The following TPH1 variants were observed in gnomAD, a reference collection of about 807,000 sequenced individuals.
TPH1 encodes the protein tryptophan 5-hydroxylase 1.
TPH1 carries 37 observed loss-of-function variants against 49.5 expected under a neutral mutation model. The ratio of observed to expected loss-of-function variants is 0.75; its 90% CI spans 0.58 to 0.98. The LOEUF (loss-of-function observed/expected upper bound fraction) is 0.98, where lower values mean the gene tolerates loss of function less well. Ranked by LOEUF, TPH1 falls within the 50% of genes least tolerant of loss-of-function variation. The probability of loss-of-function intolerance (pLI) is 0.00; values close to 1 mark genes in which losing one functional copy is unlikely to be tolerated. For synonymous variants in TPH1, 160 were observed against 182.1 expected, an observed-to-expected ratio of 0.88 and a Z score of 0.98; for missense variants, 487 against 523.6, an observed-to-expected ratio of 0.93 and a Z score of 0.68.
chr11:18,021,407 A>AAATC (rs1854360920), intron 10 of TPH1, among the ~76,000 whole-genome samples: 2 of 152,204 alleles, frequency 1.3e-5, no homozygotes, highest in Admixed American at 1.3e-4. Flanking sequence ...AAGTAGTTGT[A>AAATC]AATCCCTGGT....
At chr11:18,035,320 T>G (rs1045567662) in intron 3 of TPH1, among the ~76,000 whole-genome samples, 4 of 152,260 alleles carry the variant, frequency 2.6e-5, no homozygotes, top group East Asian at 1.9e-4. Context: ...AATTGAGAGA[T>G]AATCAATTAT....
chr11:18,018,989 T>C lies in TPH1; in HGVS notation c.*2002A>G, dbSNP rs76970850. The C allele has an allele frequency of 3.2e-3, 487 of 152,290 alleles. 5 individuals carry two copies. The highest frequency in any genetic ancestry group is 0.011 in the African/African-American group (477 of 41,556). 9.4% of individuals were successfully genotyped at this position (152,290 alleles called of 1,614,324 possible). ...AGATTTGCTATCTATTATGATTTGC[T>C]TACAGTAGATTTCCTTGCAACCAAA... On this transcript the variant is annotated 3_prime_UTR_variant, in exon 11 of 11. Coordinates refer to ENST00000682019, the MANE Select transcript of TPH1 (RefSeq NM_004179.3).
At chr11:18,037,594 A>C (rs1017564934) in intron 2 of TPH1, among the ~76,000 whole-genome samples, 1 of 152,228 alleles carries the variant, frequency 6.6e-6, no homozygotes, top group Non-Finnish European at 1.5e-5. Flanking sequence ...AATATTTTCT[A>C]AATGATGACT....
rs781464954 is a variant in TPH1, at chr11:18,024,005, A to G, written c.931-22T>C. 4 of 1,521,600 alleles carry G rather than the reference A, an allele frequency of 2.6e-6. No homozygotes were observed. In the East Asian group the frequency reaches 9.0e-5, roughly 34 times the overall value. 94.3% of individuals were successfully genotyped at this position (1,521,600 alleles called of 1,614,324 possible). ...AGCACTGCAAAAGAACATCAATATT[A>G]TTCTCACACACTGACGAATTCAACT... On this transcript the variant is annotated intron_variant, in intron 8 of 10. Coordinates refer to ENST00000682019, the MANE Select transcript of TPH1 (RefSeq NM_004179.3).
In TPH1 at chr11:18,025,679, C is replaced by T; in HGVS notation, c.826G>A (p.Gly276Ser). The T allele has an allele frequency of 6.2e-7, 1 of 1,613,948 alleles. No homozygotes were observed. The change falls in exon 8 of 11, where the codon GGT becomes AGT. Residue 276 changes from glycine (G) to serine (S), a missense_variant. Gly to Ser is a moderately conservative substitution (Grantham distance 56). Coordinates refer to ENST00000682019, the MANE Select transcript of TPH1 (RefSeq NM_004179.3). ...PEPDTCHELLGHVPLLAEPSF... is the reference protein window; with the variant it reads ...PEPDTCHELLSHVPLLAEPSF... ...GGTTCAGCCAAAAGCGGGACATGAC[C>T]TAAGAGTTCATGGCAGGTATCTCTG...
intron 7 of TPH1, 73 bp downstream of exon 7, chr11:18,026,417 A>T: frequency 2.1e-5 from 24 of 1,154,054 alleles, no homozygotes; most frequent in Non-Finnish European, 2.7e-5. Context: ...AAAAAAAAAA[A>T]GAACCCATAA....
At chr11:18,039,866 T>A (rs906887202) in intron 2 of TPH1, among the ~76,000 whole-genome samples, 2 of 152,118 alleles carry the variant, frequency 1.3e-5, no homozygotes, top group African/African-American at 4.8e-5. Flanking sequence ...GTCAAAAATA[T>A]GAACATTTTA....
chr11:18,040,063 A>C (rs914886544), intron 2 of TPH1, among the ~76,000 whole-genome samples: 1 of 150,782 alleles, frequency 6.6e-6, no homozygotes. Flanking sequence ...TATATCATTA[A>C]ATCTCAAGTA....
rs563357789 is a variant in TPH1 at position 18,044,600 on chromosome 11, G to A, written c.-27+1641C>T. Among the ~76,000 whole-genome samples, 4 of 150,216 alleles carry A rather than the reference G, an allele frequency of 2.7e-5. No individual in the cohort carries two copies. The South Asian group carries it at 8.4e-4, about 32-fold the overall frequency. ...AGATCTTTGATCGTTACTAAAACTT[G>A]GCCATAACTTTGCTTGGTTGACAGA... On this transcript the variant is annotated intron_variant, in intron 1 of 10. Transcript: ENST00000682019.
chr11:18,044,618 T>C (rs1362368194), intron 1 of TPH1, among the ~76,000 whole-genome samples: 4 of 151,968 alleles, frequency 2.6e-5, no homozygotes, highest in East Asian at 1.9e-4. Flanking sequence ...CTTTGCTTGG[T>C]TGACAGAGCT....
chr11:18,019,731 T>C lies in TPH1; in HGVS notation c.*1260A>G. ...GACAGAAACTTGAAGAACATCTTCA[T>C]TTAGTGACTAGAGGGAGGAAAGGGG... On this transcript the variant is annotated 3_prime_UTR_variant, in exon 11 of 11. Coordinates refer to ENST00000682019, the MANE Select transcript of TPH1 (RefSeq NM_004179.3). 2.2e-6 allele frequency: 1 copy of C among 460,250 alleles called. No individual in the cohort carries two copies. Among genetic ancestry groups the C allele is most frequent in the Non-Finnish European group, 4.4e-6 (1 of 228,806 alleles). The allele number at this position is 460,250 out of a possible 1,614,324, so 28.5% of individuals were successfully genotyped here.
At chr11:18,039,475 T>C (rs545110237) in intron 2 of TPH1, among the ~76,000 whole-genome samples, 1 of 152,362 alleles carries the variant, frequency 6.6e-6, no homozygotes, top group East Asian at 1.9e-4. Context: ...GGTGTTCTGC[T>C]ATCACAATTC....
chr11:18,041,327 T>C (rs973350611), intron 1 of TPH1: 1 of 152,920 alleles, frequency 6.5e-6, no homozygotes. Context: ...AGGAGAATTC[T>C]AGTTCTGCTT....
chr11:18,042,420 CGTT>C (rs1231299719), intron 1 of TPH1: 2 of 446,406 alleles, frequency 4.5e-6, no homozygotes, highest in East Asian at 7.1e-5. Context: ...GTATGGGCGA[CGTT>C]GTCCTAAAGC....
chr11:18,026,393 C>CAAAAAAAAAAAAAAAAAAAAAAAAAAA, intron 7 of TPH1, 97 bp downstream of exon 7: 1 of 585,318 alleles, frequency 1.7e-6, no homozygotes, highest in East Asian at 3.8e-5. Context: ...CCTCGCACAC[C>CAAAAAAAAAAAAAAAAAAAAAAAAAAA]AAAAAAAAAA....
chr11:18,021,558 A>T (rs751953377), intron 10 of TPH1, among the ~76,000 whole-genome samples: 23 of 152,310 alleles, frequency 1.5e-4, no homozygotes, highest in Non-Finnish European at 2.9e-4. Context: ...ACCACATAGT[A>T]ACAGATCCCT....
At chr11:18,022,766 G>T (rs1362343312) in intron 10 of TPH1, 32 bp downstream of exon 10, 2 of 1,610,478 alleles carry the variant, frequency 1.2e-6, no homozygotes, top group East Asian at 4.5e-5. Flanking sequence ...TTTCCCTGAA[G>T]AAAATGAAGG....
chr11:18,037,052 T>G (rs1218075926), intron 2 of TPH1, among the ~76,000 whole-genome samples: 1 of 152,004 alleles, frequency 6.6e-6, no homozygotes. Context: ...GGAACTTAAA[T>G]GAATCTTAAA....
Position 18,020,974 on chromosome 11 carries a change from T to G in TPH1, c.*17A>C. 1 of 1,613,600 alleles carries G rather than the reference T, an allele frequency of 6.2e-7. No homozygotes were observed. Among genetic ancestry groups the G allele is most frequent in the Non-Finnish European group, 8.5e-7 (1 of 1,179,584 alleles). On this transcript the variant is annotated 3_prime_UTR_variant, in exon 11 of 11. Transcript: ENST00000682019. ...CTCCGAATTGATGCTCAAATGTTCC[T>G]GGATGACTGGCTACTGTTAGATACT... is the stretch of plus-strand genomic sequence containing the variant.
Sources: allele counts gnomAD v4.1 joint callset (sites outside exome capture counted in the v4.1 genomes callset), GRCh38; gene constraint gnomAD v4.1.1; transcripts MANE v1.5; gene names NCBI Gene and HGNC (gene_info 2026-07-23, HGNC 2026-07-21).